Variants in OLFML2B observed in about 807,000 individuals in gnomAD.
The protein encoded by OLFML2B is olfactomedin like 2B.
A neutral mutation model predicts 74.9 loss-of-function variants in OLFML2B; 57 were observed. The ratio of observed to expected loss-of-function variants is 0.76; its 90% CI spans 0.61 to 0.95. The LOEUF is 0.95. Ranked by LOEUF, OLFML2B falls within the 40% of genes least tolerant of loss-of-function variation. OLFML2B has a pLI of 0.00. For missense variants in OLFML2B, 986 were observed against 970.6 expected, an observed-to-expected ratio of 1.02 and a Z score of -0.21; for synonymous variants, 388 against 405.8, an observed-to-expected ratio of 0.96 and a Z score of 0.53.
intron 6 of OLFML2B, among the ~76,000 whole-genome samples, chr1:161,989,064 G>T (rs992430289): frequency 6.6e-6 from 1 of 152,148 alleles, no homozygotes; most frequent in Non-Finnish European, 1.5e-5. Flanking sequence ...GCGTAGTTCA[G>T]ATCTCACCAA....
intron 3 of OLFML2B, among the ~76,000 whole-genome samples, chr1:162,008,922 T>C (rs941202693): frequency 3.3e-5 from 5 of 152,220 alleles, no homozygotes; most frequent in Non-Finnish European, 7.3e-5. Flanking sequence ...AGCATTTCTG[T>C]AATCCATCAG....
chr1:161,997,923 G>C lies in OLFML2B; in HGVS notation c.1376C>G (p.Thr459Arg). The change falls in exon 6 of 8, where the codon ACA becomes AGA. Residue 459 changes from threonine (T) to arginine (R), a missense_variant. Physicochemically the swap from Thr to Arg is moderately conservative, Grantham distance 71. Transcript: ENST00000294794. Reference sequence around the variant, plus strand: ...AGGAGCATCTTTCCCCAGCGAGTCTGTTCTGACTGTGGTGGGAGGCACTGG... The same window carrying C: ...AGGAGCATCTTTCCCCAGCGAGTCTCTTCTGACTGTGGTGGGAGGCACTGG... ...TVPVPPTTVR[T>R]DSLGKDAPAG... 6.2e-7 allele frequency: 1 copy of C among 1,614,222 alleles called. No individual in the cohort carries two copies. Among genetic ancestry groups the C allele is most frequent in the Non-Finnish European group, 8.5e-7 (1 of 1,180,044 alleles).
intron 6 of OLFML2B, among the ~76,000 whole-genome samples, chr1:161,985,568 G>A (rs1689570613): frequency 6.6e-6 from 1 of 152,250 alleles, no homozygotes; most frequent in Non-Finnish European, 1.5e-5. Context: ...AGTGTGGCCA[G>A]AGGAGAGGCC....
chr1:162,019,519 C>T (rs1020454398), intron 2 of OLFML2B, among the ~76,000 whole-genome samples: 2 of 152,198 alleles, frequency 1.3e-5, no homozygotes, highest in Non-Finnish European at 2.9e-5. Flanking sequence ...GCCTCTCCTT[C>T]CCTAGGCCAA....
intron 6 of OLFML2B, among the ~76,000 whole-genome samples, chr1:161,989,550 C>T (rs1430745483): frequency 6.6e-6 from 1 of 152,196 alleles, no homozygotes; most frequent in Non-Finnish European, 1.5e-5. Flanking sequence ...TGGTATTCAC[C>T]GTAAACCCAG....
intron 5 of OLFML2B, among the ~76,000 whole-genome samples, chr1:161,999,137 G>T (rs184259376): frequency 1.3e-5 from 2 of 152,294 alleles, no homozygotes; most frequent in Admixed American, 6.5e-5. Flanking sequence ...AAATGGGGGA[G>T]GCTGCAGGAT....
At position 162,015,994 on chromosome 1, in the gene OLFML2B, A is replaced by G. The variant is rs1376823683; in HGVS notation, c.546+1406T>C. Among the ~76,000 whole-genome samples, 4 of 152,192 alleles carry G rather than the reference A, an allele frequency of 2.6e-5. No homozygotes were observed. The East Asian group carries it at 7.7e-4, about 29-fold the overall frequency. On this transcript the variant is annotated intron_variant, in intron 3 of 7. Transcript: ENST00000294794. The stretch of plus-strand genomic sequence containing the variant: ...GAGCCAACAGCCTTATTCAGAAAAC[A>G]TCTCATCATAGCATTGGAGGAGCTA...
chr1:162,015,773 A>T (rs571834626), intron 3 of OLFML2B, among the ~76,000 whole-genome samples: 2 of 152,296 alleles, frequency 1.3e-5, no homozygotes, highest in South Asian at 2.1e-4. Flanking sequence ...GTTAACATTG[A>T]GGAAGGAGAG....
At chr1:162,005,902 C>CAAAAA (rs71093139) in intron 4 of OLFML2B, among the ~76,000 whole-genome samples, 5 of 77,898 alleles carry the variant, frequency 6.4e-5, no homozygotes, top group East Asian at 1.2e-3. Flanking sequence ...TGGAACCTAT[C>CAAAAA]AAAAAAAAAA....
chr1:161,994,910 C>T (rs868277215), intron 6 of OLFML2B, among the ~76,000 whole-genome samples: 25 of 152,142 alleles, frequency 1.6e-4, no homozygotes, highest in African/African-American at 6.0e-4. Context: ...CTGTTTACAA[C>T]CACATCTTAA....
intron 4 of OLFML2B, among the ~76,000 whole-genome samples, chr1:162,000,886 C>T: frequency 6.6e-6 from 1 of 152,160 alleles, no homozygotes; most frequent in East Asian, 1.9e-4. Flanking sequence ...ACATATCACC[C>T]CCAGCCCCCA....
At chr1:161,994,556 G>A (rs1689834263) in intron 6 of OLFML2B, among the ~76,000 whole-genome samples, 1 of 152,172 alleles carries the variant, frequency 6.6e-6, no homozygotes, top group Admixed American at 6.5e-5. Flanking sequence ...GCTAAAGTCT[G>A]GGAATCTGCA....
At chr1:162,005,173 C>T (rs1298301364) in intron 4 of OLFML2B, among the ~76,000 whole-genome samples, 1 of 152,220 alleles carries the variant, frequency 6.6e-6, no homozygotes, top group Non-Finnish European at 1.5e-5. Flanking sequence ...TAGCACTTAA[C>T]CATTAGTACA....
intron 6 of OLFML2B, among the ~76,000 whole-genome samples, chr1:161,985,783 G>A (rs192381510): frequency 5.8e-4 from 89 of 152,328 alleles, no homozygotes; most frequent in Non-Finnish European, 1.1e-3. Flanking sequence ...AAGATACCAA[G>A]TTCTTGAATA....
At chr1:161,989,427 T>C (rs1689675142) in intron 6 of OLFML2B, among the ~76,000 whole-genome samples, 2 of 152,166 alleles carry the variant, frequency 1.3e-5, no homozygotes, top group South Asian at 4.1e-4. Flanking sequence ...CTGAAGGCAT[T>C]CAGATTCAAG....
At chr1:162,017,557 G>A in intron 2 of OLFML2B, 50 bp from the exon 3 acceptor site, 1 of 1,382,172 alleles carries the variant, frequency 7.2e-7, no homozygotes, top group Non-Finnish European at 1.0e-6. Flanking sequence ...CACAGACACA[G>A]GGCAGAGTTT....
At chr1:162,016,327 A>C (rs565496707) in intron 3 of OLFML2B, among the ~76,000 whole-genome samples, 2 of 152,360 alleles carry the variant, frequency 1.3e-5, no homozygotes, top group African/African-American at 4.8e-5. Context: ...GCTGCTTGGC[A>C]GCACAAACAA....
chr1:162,000,013 T>C (rs1690036704), intron 5 of OLFML2B, 100 bp downstream of exon 5: 1 of 850,424 alleles, frequency 1.2e-6, no homozygotes, highest in Non-Finnish European at 1.9e-6. Context: ...ATGCTGTGTA[T>C]GGAGGGGTGT....
At chr1:162,017,174 T>G (rs374942408) in intron 3 of OLFML2B, among the ~76,000 whole-genome samples, 11 of 152,168 alleles carry the variant, frequency 7.2e-5, no homozygotes, top group African/African-American at 2.4e-4. Flanking sequence ...GGGGATTTTA[T>G]GAAAAAAAGA....
Sources: gnomAD v4.1 joint callset for allele counts (sites outside exome capture counted in the v4.1 genomes callset) on GRCh38, gnomAD v4.1.1 for gene constraint, MANE v1.5 for transcripts, NCBI Gene and HGNC (gene_info 2026-07-23, HGNC 2026-07-21) for gene names.